KIAA2012: variants seen among roughly 807,000 people sequenced by gnomAD.
The protein encoded by KIAA2012 is KIAA2012.
A neutral mutation model predicts 150.6 loss-of-function variants in KIAA2012; 125 were observed. The observed-to-expected ratio is 0.83, with a 90% CI of 0.72 to 0.96. KIAA2012 has a LOEUF of 0.96. KIAA2012 is among the 40% of genes least tolerant of loss of function. The pLI is 0.00. For missense variants in KIAA2012, 1,219 were observed against 1,354.9 expected (o/e 0.90, Z 1.57); for synonymous variants, 462 against 504.7 (o/e 0.92, Z 1.13).
rs1044504133 is a variant in KIAA2012 at position 202,091,466 on chromosome 2, C to A, written c.529+537C>A. 2.0e-5 allele frequency among the ~76,000 whole-genome samples: 3 copies of A among 152,128 alleles called. No homozygotes were observed. In the South Asian group the frequency reaches 6.2e-4, roughly 32 times the overall value. ...TCTTCCTCTTAAAAATGGCGGCTCT[C>A]CAGCGCAATCCATTAGGAGTGCGAT... On this transcript the variant is annotated intron_variant, in intron 3 of 23. Coordinates refer to ENST00000498697, the MANE Select transcript of KIAA2012 (RefSeq NM_001277372.4).
intron 10 of KIAA2012, among the ~76,000 whole-genome samples, chr2:202,112,668 G>GT (rs1416423566): frequency 1.3e-5 from 2 of 152,212 alleles, no homozygotes; most frequent in Admixed American, 1.3e-4. Flanking sequence ...ACAACCAGTT[G>GT]GTATCTGCTG....
intron 17 of KIAA2012, 66 bp from the exon 18 acceptor site, chr2:202,188,083 ATCT>A: frequency 7.8e-7 from 1 of 1,286,606 alleles, no homozygotes; most frequent in Non-Finnish European, 1.1e-6. Context: ...GTTCAACATA[ATCT>A]TCTTTGATGG....
At chr2:202,076,113 A>T (rs958410768) in intron 2 of KIAA2012, among the ~76,000 whole-genome samples, 2 of 152,148 alleles carry the variant, frequency 1.3e-5, no homozygotes, top group African/African-American at 4.8e-5. Context: ...CAACTTAAAT[A>T]CCATCCCCTC....
intron 14 of KIAA2012, among the ~76,000 whole-genome samples, chr2:202,158,758 T>C (rs1314335328): frequency 6.6e-6 from 1 of 152,236 alleles, no homozygotes; most frequent in Non-Finnish European, 1.5e-5. Context: ...GAAATGGTAA[T>C]TGATGAATGA....
rs113213219 is a variant in KIAA2012, at chr2:202,099,804, C to T, written c.1012+8C>T. The stretch of plus-strand genomic sequence containing the variant: ...GGAAGGCAGATCTCAGCGGTAAGAA[C>T]TCAAATGTCTTGCTCATTGATCTGG... On this transcript the variant is annotated splice_region_variant and intron_variant, in intron 6 of 23. Transcript: ENST00000498697. 5.9e-5 allele frequency: 91 copies of T among 1,546,126 alleles called. 5 individuals are homozygous for T. In the African/African-American group the frequency reaches 6.7e-4, roughly 11 times the overall value.
chr2:202,165,364 C>A lies in KIAA2012; in HGVS notation c.2119+8C>A. ...CTCACCACAACGACCAAGGTACAGA[C>A]CACTAGGTGGGGCTTTATAATCTTA... is the stretch of plus-strand genomic sequence containing the variant. On this transcript the variant is annotated splice_region_variant and intron_variant, in intron 15 of 23. Coordinates refer to ENST00000498697, the MANE Select transcript of KIAA2012 (RefSeq NM_001277372.4). 6.5e-7 allele frequency: 1 copy of A among 1,548,790 alleles called. No homozygotes were observed. The highest frequency in any genetic ancestry group is 1.4e-5 in the African/African-American group (1 of 73,110).
chr2:202,204,945 T>A (rs749657849), intron 23 of KIAA2012, 53 bp from the exon 24 acceptor site: 2 of 152,208 alleles, frequency 1.3e-5, no homozygotes, highest in African/African-American at 2.4e-5. Context: ...GAGGATAACA[T>A]CCTTGTGGGG....
At position 202,086,183 on chromosome 2, in the gene KIAA2012, A is replaced by G. The variant is rs1262101519; in HGVS notation, c.370-4587A>G. Reference sequence around the variant, plus strand: ...ACTCTGTCTCAAAAAAAAAAAAAAAAAAAGAAAGAAAGAAAAGAAAAAGAA... The same window carrying G: ...ACTCTGTCTCAAAAAAAAAAAAAAAGAAAGAAAGAAAGAAAAGAAAAAGAA... On this transcript the variant is annotated intron_variant, in intron 2 of 23. Transcript: ENST00000498697. Among the ~76,000 whole-genome samples, 109 of 150,436 alleles carry G rather than the reference A, an allele frequency of 7.2e-4. 6 individuals are homozygous for G. Among genetic ancestry groups the G allele is most frequent in the East Asian group, 5.8e-4 (3 of 5,156 alleles).
chr2:202,160,530 G>A (rs1202528299), intron 14 of KIAA2012, among the ~76,000 whole-genome samples: 7 of 151,950 alleles, frequency 4.6e-5, no homozygotes, highest in Admixed American at 2.0e-4. Context: ...AGCCAGCATG[G>A]TCTCGATCTC....
chr2:202,076,173 C>T (rs980713500), intron 2 of KIAA2012, among the ~76,000 whole-genome samples: 1 of 152,192 alleles, frequency 6.6e-6, no homozygotes, highest in African/African-American at 2.4e-5. Flanking sequence ...ATGCCTCCCT[C>T]CTCTGCAAAC....
chr2:202,186,982 G>C lies in KIAA2012; in HGVS notation c.2260G>C (p.Gly754Arg). The C allele has an allele frequency of 6.4e-7, 1 of 1,550,610 alleles. No individual in the cohort carries two copies. The highest frequency in any genetic ancestry group is 1.2e-5 in the South Asian group (1 of 84,058). ...HHLHRGLLGY[G>R]PESPERLSAV... ...CCTACACAGAGGACTTCTGGGATACGGGCCTGAGTCACCCGAGAGGTTGAG... is the reference window on the plus strand; with the variant it reads ...CCTACACAGAGGACTTCTGGGATACCGGCCTGAGTCACCCGAGAGGTTGAG... Residue 754 changes from glycine (G) to arginine (R), a missense_variant, in exon 17 of 24, where the codon GGG becomes CGG. Coordinates refer to ENST00000498697, the MANE Select transcript of KIAA2012 (RefSeq NM_001277372.4).
intron 14 of KIAA2012, among the ~76,000 whole-genome samples, chr2:202,155,618 C>T (rs779327016): frequency 2.0e-5 from 3 of 152,148 alleles, no homozygotes; most frequent in Non-Finnish European, 2.9e-5. Context: ...TATTCCAGGC[C>T]TTTGATAAGA....
rs778217442 is a variant in KIAA2012, at chr2:202,186,974, T to C, written c.2252T>C (p.Leu751Pro). 1 of 1,550,664 alleles carries C rather than the reference T, an allele frequency of 6.4e-7. No individual in the cohort carries two copies. Reference protein sequence around the residue: ...YDVHHLHRGLLGYGPESPERL... With the variant: ...YDVHHLHRGLPGYGPESPERL... ...GTACACCACCTACACAGAGGACTTC[T>C]GGGATACGGGCCTGAGTCACCCGAG... Residue 751 changes from leucine (L) to proline (P), a missense_variant, in exon 17 of 24, where the codon CTG becomes CCG. Physicochemically the swap from Leu to Pro is moderately conservative, Grantham distance 98. Coordinates refer to ENST00000498697, the MANE Select transcript of KIAA2012 (RefSeq NM_001277372.4).
intron 15 of KIAA2012, among the ~76,000 whole-genome samples, chr2:202,171,252 A>T (rs1210380838): frequency 1.3e-5 from 2 of 152,064 alleles, no homozygotes; most frequent in African/African-American, 4.8e-5. Context: ...GAATGAAAAG[A>T]TTCTTCAAGC....
At chr2:202,177,805 C>T (rs1383766402) in intron 15 of KIAA2012, among the ~76,000 whole-genome samples, 1 of 152,150 alleles carries the variant, frequency 6.6e-6, no homozygotes, top group Non-Finnish European at 1.5e-5. Flanking sequence ...ATTGAGTTTC[C>T]AACACACAAA....
rs187370363 is a variant in KIAA2012, at chr2:202,196,995, C to T, written c.3383C>T (p.Thr1128Met). Residue 1128 changes from threonine (T) to methionine (M), a missense_variant, in exon 22 of 24, where the codon ACG becomes ATG. Transcript: ENST00000498697. ...EAARLALEEATKQAQEQARQK... is the reference protein window; with the variant it reads ...EAARLALEEAMKQAQEQARQK... ...GCAAGACTGGCTCTGGAAGAAGCCACGAAACAAGCCCAGGAACAAGCCAGG... is the reference window on the plus strand; with the variant it reads ...GCAAGACTGGCTCTGGAAGAAGCCATGAAACAAGCCCAGGAACAAGCCAGG... The T allele has an allele frequency of 8.3e-5, 128 of 1,550,546 alleles. No homozygotes were observed. The African/African-American group carries it at 8.5e-4, about 10-fold the overall frequency.
intron 19 of KIAA2012, among the ~76,000 whole-genome samples, chr2:202,192,293 T>C (rs1424615593): frequency 6.6e-6 from 1 of 152,132 alleles, no homozygotes; most frequent in African/African-American, 2.4e-5. Flanking sequence ...GTTCCCTTCA[T>C]AGGCATATTT....
At chr2:202,178,689 T>C (rs1310360552) in intron 15 of KIAA2012, 1 of 153,204 alleles carries the variant, frequency 6.5e-6, no homozygotes, top group African/African-American at 2.4e-5. Context: ...AATCAGCTTC[T>C]GCTCTCTGTT....
chr2:202,154,515 G>T (rs1030467636), intron 13 of KIAA2012, among the ~76,000 whole-genome samples, 158 bp from the exon 14 acceptor site: 7 of 152,164 alleles, frequency 4.6e-5, no homozygotes, highest in African/African-American at 1.4e-4. Context: ...TCTCTCTATA[G>T]GGTCCTCTGT....
Sources: gnomAD v4.1 joint callset for allele counts (sites outside exome capture counted in the v4.1 genomes callset) on GRCh38, gnomAD v4.1.1 for gene constraint, MANE v1.5 for transcripts, NCBI Gene and HGNC (gene_info 2026-07-23, HGNC 2026-07-21) for gene names.